Variants in KIAA1549 observed in about 807,000 individuals in gnomAD.
The protein encoded by KIAA1549 is UPF0606 protein KIAA1549.
KIAA1549 carries 70 observed loss-of-function variants against 156.4 expected under a neutral mutation model. The ratio of observed to expected loss-of-function variants is 0.45; its 90% confidence interval spans 0.37 to 0.55. The LOEUF (loss-of-function observed/expected upper bound fraction) is 0.55, where lower values mean the gene tolerates loss of function less well. Among genes scored for constraint, KIAA1549 ranks in the 20% least tolerant of loss-of-function variants. The probability of loss-of-function intolerance (pLI) is 0.00; values close to 1 mark genes in which losing one functional copy is unlikely to be tolerated. For synonymous variants in KIAA1549, 1,103 were observed against 1,066.4 expected (o/e 1.03, Z -0.67); for missense variants, 2,428 against 2,540.9 (o/e 0.96, Z 0.96).
intron 3 of KIAA1549, among the ~76,000 whole-genome samples, chr7:138,912,079 G>A (rs960862400): frequency 5.9e-5 from 9 of 152,310 alleles, no homozygotes; most frequent in African/African-American, 2.4e-5. Flanking sequence ...GTAAAATCAC[G>A]AAGGCTGTCA....
At chr7:138,963,605 G>A (rs113044342) in intron 1 of KIAA1549, among the ~76,000 whole-genome samples, 1 of 152,180 alleles carries the variant, frequency 6.6e-6, no homozygotes, top group African/African-American at 2.4e-5. Context: ...TTAATACACT[G>A]TGTTTTATGA....
intron 8 of KIAA1549, among the ~76,000 whole-genome samples, chr7:138,899,713 A>G (rs1427874619): frequency 1.3e-5 from 2 of 152,106 alleles, no homozygotes; most frequent in Admixed American, 6.5e-5. Flanking sequence ...AGTTACAACC[A>G]AAAACATCCC....
At chr7:138,904,903 G>T in intron 7 of KIAA1549, 119 bp downstream of exon 7, 1 of 631,978 alleles carries the variant, frequency 1.6e-6, no homozygotes, top group South Asian at 2.1e-5. Context: ...TCTTTGCCAA[G>T]AATGTAAGGT....
chr7:138,962,447 G>A (rs1297653929), intron 1 of KIAA1549, among the ~76,000 whole-genome samples: 3 of 152,152 alleles, frequency 2.0e-5, no homozygotes, highest in Non-Finnish European at 2.9e-5. Context: ...GATTTTCTCT[G>A]ACCAGCAGAA....
chr7:138,861,603 A>G, intron 15 of KIAA1549, 147 bp from the exon 16 acceptor site: 1 of 708,210 alleles, frequency 1.4e-6, no homozygotes, highest in Non-Finnish European at 2.3e-6. Context: ...CTTTAATTCC[A>G]GGATTTGGGG....
At chr7:138,841,958 A>G (rs1809934203) in intron 18 of KIAA1549, among the ~76,000 whole-genome samples, 1 of 152,178 alleles carries the variant, frequency 6.6e-6, no homozygotes, top group Non-Finnish European at 1.5e-5. Context: ...AAAAGTCAGG[A>G]AAAGCTGTCC....
chr7:138,951,819 C>G (rs1563091149), intron 1 of KIAA1549, among the ~76,000 whole-genome samples: 1 of 152,102 alleles, frequency 6.6e-6, no homozygotes, highest in South Asian at 2.1e-4. Flanking sequence ...TAAGCAACAT[C>G]CAGGAATTTA....
intron 1 of KIAA1549, among the ~76,000 whole-genome samples, chr7:138,939,991 ATTTT>A (rs780140255): frequency 2.0e-5 from 3 of 151,262 alleles, no homozygotes; most frequent in African/African-American, 2.4e-5. Flanking sequence ...TACAAAAAAA[ATTTT>A]TTTTTTAATT....
chr7:138,885,530 A>C (rs1341217145), intron 10 of KIAA1549, among the ~76,000 whole-genome samples: 1 of 152,172 alleles, frequency 6.6e-6, no homozygotes, highest in African/African-American at 2.4e-5. Context: ...CTTTACCTGC[A>C]GCTGTCTTGG....
intron 1 of KIAA1549, among the ~76,000 whole-genome samples, chr7:138,974,908 G>C (rs1814328170): frequency 1.3e-5 from 2 of 151,860 alleles, no homozygotes; most frequent in African/African-American, 2.4e-5. Context: ...TCCAGAGTTA[G>C]TCCAGGCTGA....
intron 1 of KIAA1549, among the ~76,000 whole-genome samples, chr7:138,965,577 C>T (rs372458460): frequency 1.1e-3 from 165 of 152,226 alleles, no homozygotes; most frequent in East Asian, 6.6e-3. Context: ...ACATCCACAG[C>T]GTCGAATAAA....
chr7:138,936,042 A>G (rs1381859608), intron 1 of KIAA1549, among the ~76,000 whole-genome samples: 2 of 152,226 alleles, frequency 1.3e-5, no homozygotes, highest in Non-Finnish European at 2.9e-5. Context: ...AGAAAAATCA[A>G]TCTGGCAGAG....
chr7:138,976,313 G>A (rs1048821814), intron 1 of KIAA1549, among the ~76,000 whole-genome samples: 3 of 152,100 alleles, frequency 2.0e-5, no homozygotes, highest in Non-Finnish European at 4.4e-5. Flanking sequence ...CTGACCTCAG[G>A]TGATCCCAAA....
At chr7:138,905,912 A>G (rs925715730) in intron 6 of KIAA1549, among the ~76,000 whole-genome samples, 3 of 152,222 alleles carry the variant, frequency 2.0e-5, no homozygotes, top group African/African-American at 4.8e-5. Context: ...CATCACCACA[A>G]TGAAGATATA....
chr7:138,871,121 T>G, intron 13 of KIAA1549, 36 bp downstream of exon 13: 5 of 1,594,024 alleles, frequency 3.1e-6, no homozygotes, highest in Non-Finnish European at 4.3e-6. Context: ...TTAGCCGAGT[T>G]TTTTAAGTAA....
chr7:138,977,722 C>T (rs1211801378), intron 1 of KIAA1549, among the ~76,000 whole-genome samples: 6 of 150,320 alleles, frequency 4.0e-5, no homozygotes, highest in Non-Finnish European at 5.9e-5. Flanking sequence ...TTTTTTGAGA[C>T]GGAGTCTTGC....
Position 138,891,851 on chromosome 7 carries a change from G to C in KIAA1549, c.4032+2491C>G, listed in dbSNP as rs576054518. Among the ~76,000 whole-genome samples the C allele has an allele frequency of 1.2e-4, 19 of 152,342 alleles. No homozygotes were observed. The South Asian group carries it at 3.9e-3, about 32-fold the overall frequency. On this transcript the variant is annotated intron_variant, in intron 10 of 19. Transcript: ENST00000422774. ...GCACATTACCCTGAGGACGAGGCTA[G>C]AGGCCCTTTGCTATGGCCACATGAC... is the stretch of plus-strand genomic sequence containing the variant.
At chr7:138,905,662 A>G (rs188518575) in intron 6 of KIAA1549, among the ~76,000 whole-genome samples, 49 of 152,360 alleles carry the variant, frequency 3.2e-4, no homozygotes, top group African/African-American at 1.2e-3. Context: ...TCATTTTGAA[A>G]AAGAATTGGA....
At chr7:138,913,977 G>C (rs887582880) in intron 2 of KIAA1549, among the ~76,000 whole-genome samples, 2 of 150,184 alleles carry the variant, frequency 1.3e-5, no homozygotes, top group African/African-American at 4.9e-5. Context: ...GACAGAAAAG[G>C]AGGAGGGAGG....
Sources: gnomAD v4.1 joint callset for allele counts (sites outside exome capture counted in the v4.1 genomes callset) on GRCh38, gnomAD v4.1.1 for gene constraint, MANE v1.5 for transcripts, NCBI Gene and HGNC (gene_info 2026-07-23, HGNC 2026-07-21) for gene names.